The following NBEA variants were observed in gnomAD, a reference collection of about 807,000 sequenced individuals.
The protein encoded by NBEA is lysosomal-trafficking regulator 2.
A neutral mutation model predicts 343.4 loss-of-function variants in NBEA; 44 were observed. That is an observed-to-expected ratio of 0.13 (90% CI 0.10 to 0.16). The LOEUF (loss-of-function observed/expected upper bound fraction) is 0.16, where lower values mean the gene tolerates loss of function less well. Among genes scored for constraint, NBEA ranks in the 10% least tolerant of loss-of-function variants. The pLI, the probability that NBEA is intolerant of heterozygous loss-of-function variation, is 1.00. For synonymous variants in NBEA, 1,175 were observed against 1,238.7 expected (o/e 0.95, Z 1.08); for missense variants, 2,555 against 3,631.3 (o/e 0.70, Z 7.62).
At chr13:35,263,105 G>C (rs993338654) in intron 34 of NBEA, among the ~76,000 whole-genome samples, 2 of 152,120 alleles carry the variant, frequency 1.3e-5, no homozygotes, top group African/African-American at 2.4e-5. Context: ...AAACAGTGAA[G>C]TACTGGAATG....
intron 45 of NBEA, among the ~76,000 whole-genome samples, chr13:35,580,088 G>C (rs1306621278): frequency 6.6e-6 from 1 of 151,918 alleles, no homozygotes; most frequent in Non-Finnish European, 1.5e-5. Flanking sequence ...TTTAAAAACT[G>C]AATTATAATA....
intron 1 of NBEA, among the ~76,000 whole-genome samples, chr13:35,024,061 G>T (rs1262358871): frequency 1.3e-5 from 2 of 152,036 alleles, no homozygotes; most frequent in Admixed American, 6.5e-5. Context: ...CCACTTACAG[G>T]TTACTTCCAT....
chr13:35,222,966 T>C (rs2074453956), intron 33 of NBEA, among the ~76,000 whole-genome samples: 1 of 152,072 alleles, frequency 6.6e-6, no homozygotes, highest in Admixed American at 6.6e-5. Flanking sequence ...ACCGCATCTC[T>C]AATAAAAATA....
intron 40 of NBEA, among the ~76,000 whole-genome samples, chr13:35,467,471 A>G (rs1190955759): frequency 1.4e-5 from 2 of 146,046 alleles, no homozygotes; most frequent in Non-Finnish European, 3.1e-5. Flanking sequence ...GACTCCATCT[A>G]AAAAAAATAA....
intron 38 of NBEA, among the ~76,000 whole-genome samples, chr13:35,360,174 G>A (rs996060265): frequency 1.3e-5 from 2 of 151,948 alleles, no homozygotes; most frequent in Admixed American, 6.6e-5. Flanking sequence ...ACTGATTATT[G>A]TATTGATTAT....
chr13:34,998,657 C>G (rs1231074191), intron 1 of NBEA, among the ~76,000 whole-genome samples: 1 of 152,192 alleles, frequency 6.6e-6, no homozygotes, highest in Non-Finnish European at 1.5e-5. Flanking sequence ...TTCTGCCCAG[C>G]TCACCGGCAG....
chr13:35,510,580 ACTGT>A lies in NBEA; in HGVS notation c.6585+38049_6585+38052del, dbSNP rs767524873. On this transcript the variant is annotated intron_variant, in intron 41 of 58. Coordinates refer to ENST00000379939, the MANE Select transcript of NBEA (RefSeq NM_001385012.1). ...CAGATTTTTTACCGTATTACACGTTACTGTCTGTTTTTTGACTCAGAAAAATAAA... is the reference window on the plus strand; with the variant it reads ...CAGATTTTTTACCGTATTACACGTTACTGTTTTTTGACTCAGAAAAATAAA... Among the ~76,000 whole-genome samples the A allele has an allele frequency of 2.6e-5, 4 of 152,194 alleles. No homozygotes were observed. In the South Asian group the frequency reaches 6.2e-4, roughly 24 times the overall value.
chr13:35,476,740 CG>C, intron 41 of NBEA: 1 of 1,058,700 alleles, frequency 9.4e-7, no homozygotes, highest in Non-Finnish European at 1.2e-6. Context: ...GCCAGGCAGG[CG>C]GGCGGCCAAT....
intron 34 of NBEA, 100 bp from the exon 35 acceptor site, chr13:35,290,289 G>T: frequency 1.4e-6 from 1 of 736,158 alleles, no homozygotes; most frequent in Non-Finnish European, 2.3e-6. Context: ...CTATTTAAAA[G>T]AAAGTTTTTT....
At chr13:35,561,014 T>G (rs1251564034) in intron 44 of NBEA, among the ~76,000 whole-genome samples, 4 of 152,200 alleles carry the variant, frequency 2.6e-5, no homozygotes, top group African/African-American at 7.2e-5. Context: ...GAACTCCCCA[T>G]TTGATGCTGA....
intron 18 of NBEA, among the ~76,000 whole-genome samples, chr13:35,148,626 T>C (rs1358450113): frequency 6.6e-6 from 1 of 152,206 alleles, no homozygotes; most frequent in Non-Finnish European, 1.5e-5. Flanking sequence ...TCTCAACTCA[T>C]ACACATATGC....
At chr13:35,507,410 T>C (rs1168904710) in intron 41 of NBEA, among the ~76,000 whole-genome samples, 1 of 152,168 alleles carries the variant, frequency 6.6e-6, no homozygotes, top group Non-Finnish European at 1.5e-5. Context: ...CTGACTCTCT[T>C]TCTTGAACTT....
intron 31 of NBEA, 105 bp from the exon 32 acceptor site, chr13:35,208,595 A>G: frequency 9.7e-7 from 1 of 1,034,806 alleles, no homozygotes; most frequent in Non-Finnish European, 1.3e-6. Flanking sequence ...TAATTAAAAG[A>G]AGAGAGGGAG....
intron 11 of NBEA, among the ~76,000 whole-genome samples, chr13:35,103,765 ACT>A (rs1419612885): frequency 1.3e-5 from 2 of 151,648 alleles, no homozygotes; most frequent in Non-Finnish European, 3.0e-5. Flanking sequence ...ATTCTTTTTG[ACT>A]CTACTTTTTT....
At chr13:35,336,100 G>T (rs1459542316) in intron 36 of NBEA, among the ~76,000 whole-genome samples, 1 of 152,006 alleles carries the variant, frequency 6.6e-6, no homozygotes, top group Non-Finnish European at 1.5e-5. Flanking sequence ...GACCACTAAG[G>T]TAATGAAACA....
chr13:35,550,963 C>A lies in NBEA; in HGVS notation c.6737C>A (p.Thr2246Lys). 1 of 1,610,566 alleles carries A rather than the reference C, an allele frequency of 6.2e-7. No individual in the cohort carries two copies. Among genetic ancestry groups the A allele is most frequent in the Non-Finnish European group, 8.5e-7 (1 of 1,177,472 alleles). Residue 2246 changes from threonine to lysine, a missense_variant, in exon 43 of 59, where the codon ACA (threonine) becomes AAA (lysine). By Grantham distance (78) the Thr-to-Lys change is moderately conservative. This residue lies in a region of NBEA where 246 missense variants were observed against 313.7 expected (regional missense o/e 0.78). Coordinates refer to ENST00000379939, the MANE Select transcript of NBEA (RefSeq NM_001385012.1). ...SVMFNFPDQA[T>K]VKKVVYSLPR... is the part of the protein sequence containing the mutation. ...ATGTTTAATTTCCCTGATCAAGCAACAGTAAAAAAAGTTGTCTATAGCTTG... is the reference window on the plus strand; with the variant it reads ...ATGTTTAATTTCCCTGATCAAGCAAAAGTAAAAAAAGTTGTCTATAGCTTG...
rs375127131 is a variant in NBEA at position 35,039,334 on chromosome 13, T to A, written c.295-1599T>A. 2.6e-5 allele frequency among the ~76,000 whole-genome samples: 4 copies of A among 152,268 alleles called. No individual in the cohort carries two copies. The East Asian group carries it at 7.7e-4, about 29-fold the overall frequency. ...AAACCAGGTTCTGTGGGTGCTCACA[T>A]GATTTTTAGCTCTTATGAAGAAGCT... On this transcript the variant is annotated intron_variant, in intron 1 of 58. Transcript: ENST00000379939.
chr13:35,138,037 A>G (rs1304170998), intron 17 of NBEA, among the ~76,000 whole-genome samples: 2 of 152,148 alleles, frequency 1.3e-5, no homozygotes, highest in East Asian at 3.9e-4. Context: ...ATTAGTAGAA[A>G]AAAGATGAAC....
At chr13:35,130,813 G>C (rs9565028) in intron 17 of NBEA, among the ~76,000 whole-genome samples, 48,529 of 151,744 alleles carry the variant, frequency 0.32, 8,753 homozygotes, top group Middle Eastern at 0.52. Context: ...TCTGCAAACA[G>C]TGCAATTAAA....
Sources: allele counts gnomAD v4.1 joint callset (sites outside exome capture counted in the v4.1 genomes callset), GRCh38; gene constraint gnomAD v4.1.1; regional missense constraint gnomAD v4.1.1; transcripts MANE v1.5; gene names NCBI Gene and HGNC (gene_info 2026-07-23, HGNC 2026-07-21).